The following AGBL4 variants were observed in gnomAD, a reference collection of about 807,000 sequenced individuals.
The protein encoded by AGBL4 is cytosolic carboxypeptidase 6.
AGBL4 carries 58 observed loss-of-function variants against 66.4 expected under a neutral mutation model. That is an observed-to-expected ratio of 0.87 (90% CI 0.71 to 1.09). The LOEUF (loss-of-function observed/expected upper bound fraction) is 1.09. AGBL4 is among the 50% of genes least tolerant of loss of function. The probability of loss-of-function intolerance (pLI) is 0.00; values close to 1 mark genes in which losing one functional copy is unlikely to be tolerated. For missense variants in AGBL4, 579 were observed against 631.0 expected (o/e 0.92, Z 0.88); for synonymous variants, 234 against 222.9 (o/e 1.05, Z -0.44).
chr1:49,281,656 T>C (rs766784835), intron 3 of AGBL4, among the ~76,000 whole-genome samples: 3 of 152,228 alleles, frequency 2.0e-5, no homozygotes, highest in Non-Finnish European at 2.9e-5. Flanking sequence ...TGTCCTCAGT[T>C]TCCTGGCATA....
intron 2 of AGBL4, among the ~76,000 whole-genome samples, chr1:49,763,049 T>G (rs1303382633): frequency 1.3e-5 from 2 of 152,224 alleles, no homozygotes; most frequent in Non-Finnish European, 2.9e-5. Context: ...CCATTTTGAT[T>G]TGATGTTTTG....
intron 6 of AGBL4, among the ~76,000 whole-genome samples, chr1:48,674,079 C>T (rs1293251851): frequency 5.3e-5 from 8 of 152,200 alleles, no homozygotes; most frequent in Non-Finnish European, 1.2e-4. Context: ...CCACGCTCGC[C>T]TCTTACTGTT....
At chr1:49,870,880 A>G (rs1312231575) in intron 1 of AGBL4, among the ~76,000 whole-genome samples, 1 of 152,144 alleles carries the variant, frequency 6.6e-6, no homozygotes. Context: ...GAAATATTGG[A>G]ACCTTTGTGC....
At chr1:49,345,430 T>G (rs1013909248) in intron 3 of AGBL4, among the ~76,000 whole-genome samples, 1 of 152,128 alleles carries the variant, frequency 6.6e-6, no homozygotes, top group Admixed American at 6.5e-5. Context: ...TAGAGGACTT[T>G]GATGAATACT....
chr1:48,944,349 T>C (rs1467700835), intron 5 of AGBL4, among the ~76,000 whole-genome samples: 1 of 152,168 alleles, frequency 6.6e-6, no homozygotes, highest in Non-Finnish European at 1.5e-5. Flanking sequence ...TCCATTATAC[T>C]GATTGATTCG....
At chr1:49,982,492 G>A (rs182851268) in intron 1 of AGBL4, among the ~76,000 whole-genome samples, 86 of 152,294 alleles carry the variant, frequency 5.6e-4, no homozygotes, top group Admixed American at 4.3e-3. Context: ...GCCTACAGGC[G>A]CCCCCTCAGC....
chr1:49,928,592 A>C (rs77465212), intron 1 of AGBL4, among the ~76,000 whole-genome samples: 3,715 of 152,234 alleles, frequency 0.024, 124 homozygotes, highest in African/African-American at 0.085. Context: ...GGAAGGATAG[A>C]GAAAAATTAT....
chr1:48,576,290 C>T (rs749739014), intron 11 of AGBL4, among the ~76,000 whole-genome samples: 3 of 152,150 alleles, frequency 2.0e-5, no homozygotes, highest in Non-Finnish European at 4.4e-5. Flanking sequence ...ATAACTGATG[C>T]CTGATGATCT....
intron 3 of AGBL4, among the ~76,000 whole-genome samples, chr1:49,389,126 A>G (rs1465658443): frequency 6.6e-6 from 1 of 152,098 alleles, no homozygotes; most frequent in African/African-American, 2.4e-5. Flanking sequence ...CTGTGGCACC[A>G]AAAACCTCTT....
intron 3 of AGBL4, among the ~76,000 whole-genome samples, chr1:49,488,465 A>G (rs1238454036): frequency 6.6e-6 from 1 of 151,582 alleles, no homozygotes; most frequent in East Asian, 1.9e-4. Context: ...ATTTTGATGT[A>G]AGTTTACAAT....
intron 2 of AGBL4, among the ~76,000 whole-genome samples, chr1:49,820,973 A>G (rs1167267527): frequency 1.3e-5 from 2 of 152,216 alleles, no homozygotes; most frequent in Admixed American, 1.3e-4. Flanking sequence ...GAGAGGCCAC[A>G]ATAGATGTGA....
intron 4 of AGBL4, among the ~76,000 whole-genome samples, chr1:49,166,929 A>C (rs1646646228): frequency 6.6e-6 from 1 of 152,168 alleles, no homozygotes; most frequent in Admixed American, 6.5e-5. Flanking sequence ...GATCAAGATT[A>C]ATTTCATGTT....
chr1:49,926,284 G>T (rs913570490), intron 1 of AGBL4, among the ~76,000 whole-genome samples: 1 of 152,228 alleles, frequency 6.6e-6, no homozygotes. Flanking sequence ...CCACCAAAGT[G>T]GTGCACCTAT....
intron 2 of AGBL4, among the ~76,000 whole-genome samples, chr1:49,758,303 G>T (rs1367004836): frequency 2.6e-5 from 4 of 152,196 alleles, no homozygotes; most frequent in African/African-American, 4.8e-5. Flanking sequence ...AGAACCTCTT[G>T]CTAGGGCAAT....
At chr1:49,406,893 G>A (rs889681394) in intron 3 of AGBL4, among the ~76,000 whole-genome samples, 6 of 151,798 alleles carry the variant, frequency 4.0e-5, no homozygotes, top group Admixed American at 2.6e-4. Context: ...GTGAAACCCC[G>A]TCTGTATTAA....
At chr1:48,907,969 G>A (rs1652771589) in intron 5 of AGBL4, among the ~76,000 whole-genome samples, 1 of 152,032 alleles carries the variant, frequency 6.6e-6, no homozygotes, top group South Asian at 2.1e-4. Context: ...CAGTATGTGA[G>A]TGTGTGTGTG....
At chr1:49,009,976 G>T (rs1224734657) in intron 5 of AGBL4, among the ~76,000 whole-genome samples, 1 of 151,994 alleles carries the variant, frequency 6.6e-6, no homozygotes, top group Non-Finnish European at 1.5e-5. Flanking sequence ...CACAAGACAG[G>T]GATGCCCTCT....
At chr1:49,970,818 G>A (rs1256160723) in intron 1 of AGBL4, among the ~76,000 whole-genome samples, 2 of 147,894 alleles carry the variant, frequency 1.4e-5, no homozygotes, top group African/African-American at 5.0e-5. Flanking sequence ...AAGTCAAAAC[G>A]ACAGTGAGAT....
chr1:49,212,577 T>C (rs1248480556), intron 4 of AGBL4, among the ~76,000 whole-genome samples: 2 of 152,104 alleles, frequency 1.3e-5, no homozygotes, highest in African/African-American at 4.8e-5. Context: ...AAGCTAAAAG[T>C]GTTAAGGAAA....
Sources: allele counts gnomAD v4.1 joint callset (sites outside exome capture counted in the v4.1 genomes callset), GRCh38; gene constraint gnomAD v4.1.1; transcripts MANE v1.5; gene names NCBI Gene and HGNC (gene_info 2026-07-23, HGNC 2026-07-21).